LAMB2: variants seen among roughly 807,000 people sequenced by gnomAD.
LAMB2 encodes the protein laminin subunit beta-2.
In LAMB2, 119 loss-of-function variants were observed where a neutral mutation model predicts 202.7. The ratio of observed to expected loss-of-function variants is 0.59; its 90% CI spans 0.51 to 0.68. LAMB2 has a LOEUF of 0.68. LAMB2 is among the 30% of genes least tolerant of loss of function. The probability of loss-of-function intolerance (pLI) is 0.00; values close to 1 mark genes in which losing one functional copy is unlikely to be tolerated. For synonymous variants in LAMB2, 818 were observed against 902.2 expected, an observed-to-expected ratio of 0.91 and a Z score of 1.67; for missense variants, 2,124 against 2,410.6, an observed-to-expected ratio of 0.88 and a Z score of 2.49.
Position 49,129,090 on chromosome 3 carries a change from T to G in LAMB2, c.1661A>C (p.Gln554Pro). 1 of 1,613,934 alleles carries G rather than the reference T, an allele frequency of 6.2e-7. No homozygotes were observed. Among genetic ancestry groups the G allele is most frequent in the Non-Finnish European group, 8.5e-7 (1 of 1,180,032 alleles). The part of the protein sequence containing the change: ...RQHMVGRRCE[Q>P]VQPGYFRPFL... ...GGGCCGGAAGTAGCCAGGTTGCACC[T>G]GCTCACAGCGTCGCCCAACCATGTG... The change falls in exon 13 of 32, where the codon CAG (glutamine) becomes CCG (proline). Residue 554 changes from glutamine to proline, a missense_variant. Transcript: ENST00000305544. The surrounding 1 kb of genome is among the most constrained non-coding windows in gnomAD (Gnocchi z 6.1).
intron 15 of LAMB2, among the ~76,000 whole-genome samples, chr3:49,127,260 A>T (rs2045425001): frequency 6.6e-6 from 1 of 152,146 alleles, no homozygotes; most frequent in Admixed American, 6.6e-5. Context: ...TGCTGGGATT[A>T]CAGGCATGAG....
rs2045459007 is a variant in LAMB2 at position 49,129,543 on chromosome 3, C to T, written c.1518+61G>A. ...CCACCCACTGGCATAGATGTGACAC[C>T]CCAGCCCTGTGCTCTAAGGACAAAT... On this transcript the variant is annotated intron_variant, in intron 11 of 31. Coordinates refer to ENST00000305544, the MANE Select transcript of LAMB2 (RefSeq NM_002292.4). This position sits in a 1 kb window ranked among gnomAD's most constrained non-coding sequence, Gnocchi z 6.1. 1.3e-5 allele frequency: 18 copies of T among 1,398,160 alleles called. No individual in the cohort carries two copies. The South Asian group carries it at 1.9e-4, about 15-fold the overall frequency. The allele number at this position is 1,398,160 out of a possible 1,614,324, so 86.6% of individuals were successfully genotyped here.
Position 49,125,055 on chromosome 3 carries a change from C to T in LAMB2, c.2835G>A (p.Gln945=), listed in dbSNP as rs774707309. ...ACACAATCTGCTGGGAATATTCATC[C>T]TGGTGGCAAGAAGTAGCAAAGTGCC... ...SQRHFATSCH[Q]DEYSQQIVCH... is the part of the protein sequence containing the mutation. Residue 945 remains glutamine (Q), a synonymous_variant, in exon 20 of 32, where the codon CAG becomes CAA. Transcript: ENST00000305544. 18 of 1,613,970 alleles carry T rather than the reference C, an allele frequency of 1.1e-5. No individual in the cohort carries two copies. Among genetic ancestry groups the T allele is most frequent in the Non-Finnish European group, 1.5e-5 (18 of 1,180,044 alleles).
chr3:49,129,827 G>A lies in LAMB2; in HGVS notation c.1405+12C>T. ...AAAGGTCAGCATAGAAGTTAGGGCAGGAGACACATACGCCGGCAGCCCAGA... is the reference window on the plus strand; with the variant it reads ...AAAGGTCAGCATAGAAGTTAGGGCAAGAGACACATACGCCGGCAGCCCAGA... On this transcript the variant is annotated intron_variant, in intron 10 of 31. Coordinates refer to ENST00000305544, the MANE Select transcript of LAMB2 (RefSeq NM_002292.4). This position sits in a 1 kb window ranked among gnomAD's most constrained non-coding sequence, Gnocchi z 6.1. 6.2e-7 allele frequency: 1 copy of A among 1,613,790 alleles called. No homozygotes were observed. Among genetic ancestry groups the A allele is most frequent in the Non-Finnish European group, 8.5e-7 (1 of 1,179,992 alleles).
chr3:49,125,103 A>T lies in LAMB2; in HGVS notation c.2787T>A (p.Cys929Ter). 5.0e-6 allele frequency: 8 copies of T among 1,613,814 alleles called. No individual in the cohort carries two copies. The highest frequency in any genetic ancestry group is 6.8e-6 in the Non-Finnish European group (8 of 1,180,018). The part of the protein sequence containing the change: ...PYGGQCRPCP[C>*]PEGPGSQRHF... ...GCCGTTGGCTCCCAGGGCCTTCAGG[A>T]CAGGGACAGGGCCGGCACTGGCCCC... The change falls in exon 20 of 32, where the codon TGT (cysteine) becomes TGA (stop). Residue 929 changes from cysteine to a stop codon, truncating the protein, a stop_gained. Transcript: ENST00000305544. LOFTEE classifies it high-confidence loss of function.
rs746842280 is a variant in LAMB2 at position 49,125,100 on chromosome 3, A to G, written c.2790T>C (p.Pro930=). ...YGGQCRPCPC[P]EGPGSQRHFA... is the part of the protein sequence containing the mutation. The stretch of plus-strand genomic sequence containing the variant: ...AGTGCCGTTGGCTCCCAGGGCCTTC[A>G]GGACAGGGACAGGGCCGGCACTGGC... The change falls in exon 20 of 32, where the codon CCT becomes CCC. Residue 930 remains proline, a synonymous_variant. Coordinates refer to ENST00000305544, the MANE Select transcript of LAMB2 (RefSeq NM_002292.4). 4 of 1,613,878 alleles carry G rather than the reference A, an allele frequency of 2.5e-6. No individual in the cohort carries two copies. Among genetic ancestry groups the G allele is most frequent in the Non-Finnish European group, 3.4e-6 (4 of 1,180,032 alleles).
In LAMB2 at chr3:49,125,121, C is replaced by G. The variant is rs1457795429; in HGVS notation, c.2769G>C (p.Gln923His). The G allele has an allele frequency of 6.2e-7, 1 of 1,613,676 alleles. No homozygotes were observed. Among genetic ancestry groups the G allele is most frequent in the South Asian group, 1.1e-5 (1 of 91,088 alleles). The change falls in exon 20 of 32, where the codon CAG (glutamine) becomes CAC (histidine). Residue 923 changes from glutamine (Q) to histidine (H), a missense_variant. Physicochemically the swap from Gln to His is conservative, Grantham distance 24. Around this residue, in one of 3 missense-constraint regions of LAMB2, gnomAD observed 1,702 missense variants for 1,896.3 expected, o/e 0.90. Transcript: ENST00000305544. ...HGDPRLPYGGQCRPCPCPEGP... is the reference protein window; with the variant it reads ...HGDPRLPYGGHCRPCPCPEGP... The stretch of plus-strand genomic sequence containing the variant: ...CTTCAGGACAGGGACAGGGCCGGCA[C>G]TGGCCCCCATATGGCAGCCGTGGGT...
At position 49,125,501 on chromosome 3, in the gene LAMB2, G is replaced by A; in HGVS notation, c.2489-17C>T. 6.4e-7 allele frequency: 1 copy of A among 1,568,038 alleles called. No individual in the cohort carries two copies. Among genetic ancestry groups the A allele is most frequent in the Non-Finnish European group, 8.7e-7 (1 of 1,155,556 alleles). ...ACTGGCAGGCTAGGAGCAAGGCAGA[G>A]CTGAGCCAGAGCCAGGGGAGGGGGT... On this transcript the variant is annotated splice_polypyrimidine_tract_variant and intron_variant, in intron 18 of 31. Transcript: ENST00000305544.
At chr3:49,125,946 A>G (rs1214681428) in intron 17 of LAMB2, 21 bp downstream of exon 17, 1 of 1,613,970 alleles carries the variant, frequency 6.2e-7, no homozygotes, top group Non-Finnish European at 8.5e-7. Context: ...TGCCCCATCA[A>G]CCCACATCAC....
chr3:49,128,293 T>C (rs569439693), intron 15 of LAMB2, among the ~76,000 whole-genome samples, 165 bp downstream of exon 15: 1 of 152,348 alleles, frequency 6.6e-6, no homozygotes, highest in East Asian at 1.9e-4. Flanking sequence ...ACTTCCTTTC[T>C]GTGAACAGAG....
intron 15 of LAMB2, among the ~76,000 whole-genome samples, chr3:49,126,797 G>A (rs1354078193): frequency 3.3e-5 from 5 of 152,052 alleles, no homozygotes; most frequent in African/African-American, 4.8e-5. Flanking sequence ...ACCACCTCAC[G>A]CTTCCTCTGA....
chr3:49,126,900 C>A (rs766291663), intron 15 of LAMB2, among the ~76,000 whole-genome samples: 10 of 152,318 alleles, frequency 6.6e-5, no homozygotes, highest in Middle Eastern at 3.4e-3. Context: ...TCCCATTGTG[C>A]TGCAAACTCA....
rs767749091 is a variant in LAMB2, at chr3:49,130,240, C to G, written c.1216G>C (p.Val406Leu). The G allele has an allele frequency of 1.2e-6, 2 of 1,614,236 alleles. No homozygotes were observed. Among genetic ancestry groups the G allele is most frequent in the Non-Finnish European group, 1.7e-6 (2 of 1,180,048 alleles). ...CCAATCCCAGCCTCACAGCGGCACACAGCCGGATCCCGCAGGTCCTTGGTT... is the reference window on the plus strand; with the variant it reads ...CCAATCCCAGCCTCACAGCGGCACAGAGCCGGATCCCGCAGGTCCTTGGTT... The part of the protein sequence containing the change: ...DPTKDLRDPA[V>L]CRSCDCDPMG... Residue 406 changes from valine (V) to leucine (L), a missense_variant, in exon 9 of 32, where the codon GTG becomes CTG. This residue lies in a region of LAMB2 where 1,702 missense variants were observed against 1,896.3 expected (regional missense o/e 0.90). Transcript: ENST00000305544. This position sits in a 1 kb window ranked among gnomAD's most constrained non-coding sequence, Gnocchi z 5.0.
Position 49,132,160 on chromosome 3 carries a change from G to C in LAMB2, c.415C>G (p.Leu139Val). 6.2e-7 allele frequency: 1 copy of C among 1,614,204 alleles called. No homozygotes were observed. Among genetic ancestry groups the C allele is most frequent in the Non-Finnish European group, 8.5e-7 (1 of 1,180,048 alleles). The change falls in exon 4 of 32, where the codon CTG becomes GTG. Residue 139 changes from leucine (L) to valine (V), a missense_variant. By Grantham distance (32) the Leu-to-Val change is conservative. This residue lies in a region of LAMB2 where 256 missense variants were observed against 356.1 expected (regional missense o/e 0.72). Coordinates refer to ENST00000305544, the MANE Select transcript of LAMB2 (RefSeq NM_002292.4). This position sits in a 1 kb window ranked among gnomAD's most constrained non-coding sequence, Gnocchi z 4.6. Reference protein sequence around the residue: ...GIPAVTIQLDLEAEFHFTHLI... With the variant: ...GIPAVTIQLDVEAEFHFTHLI... ...TGTGTGAAATGAAACTCAGCCTCCA[G>C]GTCCAGCTGGATGGTGACCGCAGGG...
rs927240862 is a variant in LAMB2, at chr3:49,130,608, G to A, written c.1036+132C>T. On this transcript the variant is annotated intron_variant, in intron 8 of 31. Transcript: ENST00000305544. The surrounding 1 kb of genome is among the most constrained non-coding windows in gnomAD (Gnocchi z 5.0). ...CAGAGGAGGATTGAGGGGGTCCCAA[G>A]GGGCATCAAGGTCTGCATACTCTTT... 6.9e-7 allele frequency: 1 copy of A among 1,446,218 alleles called. No individual in the cohort carries two copies. Among genetic ancestry groups the A allele is most frequent in the Admixed American group, 1.7e-5 (1 of 59,732 alleles). 89.6% of individuals were successfully genotyped at this position (1,446,218 alleles called of 1,614,324 possible). A position where few individuals can be genotyped will look rare whatever the true frequency, so the allele number is the denominator to read the frequency against.
chr3:49,125,465 C>G lies in LAMB2; in HGVS notation c.2508G>C (p.Glu836Asp). The G allele has an allele frequency of 1.2e-6, 2 of 1,604,660 alleles. No individual in the cohort carries two copies. The highest frequency in any genetic ancestry group is 8.5e-7 in the Non-Finnish European group (1 of 1,175,824). The change falls in exon 19 of 32, where the codon GAG (glutamate) becomes GAC (aspartate). Residue 836 changes from glutamate (E) to aspartate (D), a missense_variant. Around this residue, in one of 3 missense-constraint regions of LAMB2, gnomAD observed 1,702 missense variants for 1,896.3 expected, o/e 0.90. Transcript: ENST00000305544. ...TGCQACQCSH[E>D]GALSSLCEKT... is the part of the protein sequence containing the mutation. Reference sequence around the variant, plus strand: ...TTTCACAGAGACTGCTGAGTGCCCCCTCGTGGCTGCACTGGCAGGCTAGGA... The same window carrying G: ...TTTCACAGAGACTGCTGAGTGCCCCGTCGTGGCTGCACTGGCAGGCTAGGA...
chr3:49,121,752 T>G lies in LAMB2; in HGVS notation c.5032A>C (p.Ser1678Arg). 3 of 1,613,814 alleles carry G rather than the reference T, an allele frequency of 1.9e-6. No individual in the cohort carries two copies. The highest frequency in any genetic ancestry group is 1.6e-4 in the Middle Eastern group (1 of 6,062). ...TCTTCTGCTGTAGAGGCTGCCAGAC[T>G]ATTTCCTGCCCGTTTCAATTTCAGA... ...EALKLKRAGNSLAASTAEETA... is the reference protein window; with the variant it reads ...EALKLKRAGNRLAASTAEETA... Residue 1678 changes from serine to arginine, a missense_variant, in exon 30 of 32, where the codon AGT (serine) becomes CGT (arginine). By Grantham distance (110) the Ser-to-Arg change is moderately radical (BLOSUM62 -1). Coordinates refer to ENST00000305544, the MANE Select transcript of LAMB2 (RefSeq NM_002292.4).
Position 49,122,213 on chromosome 3 carries a change from T to C in LAMB2, c.4731A>G (p.Val1577=). The part of the protein sequence containing the change: ...ADVDAILART[V]GDVRRAEQLL... Reference sequence around the variant, plus strand: ...GCTGCTCGGCACGACGCACATCTCCTACAGTACGTGCCAGGATCGCATCCA... The same window carrying C: ...GCTGCTCGGCACGACGCACATCTCCCACAGTACGTGCCAGGATCGCATCCA... Residue 1577 remains valine (V), a synonymous_variant, in exon 28 of 32, where the codon GTA becomes GTG. Coordinates refer to ENST00000305544, the MANE Select transcript of LAMB2 (RefSeq NM_002292.4). 1 of 1,613,468 alleles carries C rather than the reference T, an allele frequency of 6.2e-7. No individual in the cohort carries two copies. The highest frequency in any genetic ancestry group is 2.2e-5 in the East Asian group (1 of 44,886).
Position 49,124,023 on chromosome 3 carries a change from C to A in LAMB2, c.3502G>T (p.Val1168Leu). ...FTGHCSCRPG[V>L]SGVRCDQCAR... Reference sequence around the variant, plus strand: ...CACTGGTCACAGCGCACACCAGACACCCCTGGGCGGCAGCTGCAGTGACCT... The same window carrying A: ...CACTGGTCACAGCGCACACCAGACAACCCTGGGCGGCAGCTGCAGTGACCT... The change falls in exon 24 of 32, where the codon GTG becomes TTG. Residue 1168 changes from valine (V) to leucine (L), a missense_variant. Around this residue, in one of 3 missense-constraint regions of LAMB2, gnomAD observed 1,702 missense variants for 1,896.3 expected, o/e 0.90. Coordinates refer to ENST00000305544, the MANE Select transcript of LAMB2 (RefSeq NM_002292.4). 1.2e-6 allele frequency: 2 copies of A among 1,613,596 alleles called. No homozygotes were observed. The highest frequency in any genetic ancestry group is 1.7e-6 in the Non-Finnish European group (2 of 1,180,022).
Sources: allele counts gnomAD v4.1 joint callset (sites outside exome capture counted in the v4.1 genomes callset), GRCh38; gene constraint gnomAD v4.1.1; regional missense constraint gnomAD v4.1.1; non-coding constraint Gnocchi (gnomAD v3.1); transcripts MANE v1.5; gene names NCBI Gene and HGNC (gene_info 2026-07-23, HGNC 2026-07-21).